SLC5A11: variants seen among roughly 807,000 people sequenced by gnomAD.
SLC5A11 encodes the protein sodium/myo-inositol cotransporter 2.
Under a neutral mutation model 69.8 loss-of-function variants are expected in SLC5A11, and 48 were observed. The ratio of observed to expected loss-of-function variants is 0.69; its 90% confidence interval spans 0.55 to 0.87. The LOEUF is 0.87. Ranked by LOEUF, SLC5A11 falls within the 40% of genes least tolerant of loss-of-function variation. The pLI, the probability that SLC5A11 is intolerant of heterozygous loss-of-function variation, is 0.00. For synonymous variants in SLC5A11, 319 were observed against 342.4 expected (o/e 0.93, Z 0.75); for missense variants, 784 against 866.1 (o/e 0.91, Z 1.19).
chr16:24,896,942 CTTTTTTTTTTTT>C (rs869210839), intron 9 of SLC5A11, among the ~76,000 whole-genome samples: 4 of 97,092 alleles, frequency 4.1e-5, no homozygotes, highest in African/African-American at 1.5e-4. Flanking sequence ...AACCTCCTTC[CTTTTTTTTTTTT>C]TTTTTTTTTT....
chr16:24,863,940 G>T (rs578118826), intron 3 of SLC5A11, among the ~76,000 whole-genome samples: 6 of 152,286 alleles, frequency 3.9e-5, no homozygotes, highest in African/African-American at 1.4e-4. Flanking sequence ...AGCCCCACCT[G>T]CTGGGCTCAT....
intron 12 of SLC5A11, among the ~76,000 whole-genome samples, 180 bp from the exon 14 acceptor site, chr16:24,907,783 G>C (rs984120303): frequency 1.3e-5 from 2 of 152,122 alleles, no homozygotes; most frequent in East Asian, 1.9e-4. Flanking sequence ...CTATTCGGGA[G>C]GCTGAGGCAG....
At chr16:24,906,044 C>T (rs1454299796) in intron 10 of SLC5A11, among the ~76,000 whole-genome samples, 1 of 152,102 alleles carries the variant, frequency 6.6e-6, no homozygotes, top group East Asian at 1.9e-4. Flanking sequence ...AGAGAATCTA[C>T]GTATAGGAAA....
intron 4 of SLC5A11, among the ~76,000 whole-genome samples, chr16:24,871,200 G>T (rs184373019): frequency 6.6e-6 from 1 of 152,170 alleles, no homozygotes; most frequent in Non-Finnish European, 1.5e-5. Flanking sequence ...GCTCCAACAC[G>T]TATAAACTTC....
At chr16:24,847,745 G>GGATGGAAGGGCATCCTGCAGACAGC (rs2059094244) in intron 1 of SLC5A11, among the ~76,000 whole-genome samples, 1 of 152,230 alleles carries the variant, frequency 6.6e-6, no homozygotes, top group Non-Finnish European at 1.5e-5. Flanking sequence ...CTGCAGATAG[G>GGATGGAAGGGCATCCTGCAGACAGC]ACTTGGAAAA....
At chr16:24,861,499 AGAAAG>A (rs1321157618) in intron 2 of SLC5A11, among the ~76,000 whole-genome samples, 1 of 151,624 alleles carries the variant, frequency 6.6e-6, no homozygotes, top group Non-Finnish European at 1.5e-5. Context: ...AGAAAGAGAG[AGAAAG>A]GAAAGAAAGG....
intron 1 of SLC5A11, among the ~76,000 whole-genome samples, chr16:24,856,045 T>C (rs2059514467): frequency 6.6e-6 from 1 of 152,214 alleles, no homozygotes; most frequent in South Asian, 2.1e-4. Context: ...AATTCCTCAC[T>C]GACATCCTTT....
chr16:24,857,013 G>T (rs1306827742), intron 1 of SLC5A11, among the ~76,000 whole-genome samples: 2 of 152,064 alleles, frequency 1.3e-5, no homozygotes, highest in African/African-American at 4.8e-5. Context: ...TAGAGACGGG[G>T]TCCACCACGT....
chr16:24,889,704 C>T (rs1041544494), intron 8 of SLC5A11, among the ~76,000 whole-genome samples: 2 of 151,598 alleles, frequency 1.3e-5, no homozygotes, highest in East Asian at 1.9e-4. Flanking sequence ...CCCACCACCA[C>T]GCCTGGCTAA....
chr16:24,890,858 C>T lies in SLC5A11; in HGVS notation c.665-11C>T. 1 of 1,613,920 alleles carries T rather than the reference C, an allele frequency of 6.2e-7. No individual in the cohort carries two copies. The highest frequency in any genetic ancestry group is 1.3e-5 in the African/African-American group (1 of 75,018). The stretch of plus-strand genomic sequence containing the variant: ...TGAGTTCCCGGAAAATAGGCTTCCT[C>T]TGAATTCTAGGTTTCGCCGCGGTTG... On this transcript the variant is annotated splice_polypyrimidine_tract_variant and intron_variant, in intron 8 of 15. Transcript: ENST00000347898.
rs566618930 is a variant in SLC5A11, at chr16:24,854,928, A to T, written c.-24-3692A>T. Reference sequence around the variant, plus strand: ...TCTAGGCCTTCTCTCACTTTCTTGCACAGAGAAAGGTTAGGTTAGGTTAGC... The same window carrying T: ...TCTAGGCCTTCTCTCACTTTCTTGCTCAGAGAAAGGTTAGGTTAGGTTAGC... On this transcript the variant is annotated intron_variant, in intron 1 of 15. Coordinates refer to ENST00000347898, the Ensembl canonical transcript of SLC5A11. Among the ~76,000 whole-genome samples the T allele has an allele frequency of 2.6e-5, 4 of 152,000 alleles. 1 individual carries two copies. The highest frequency in any genetic ancestry group is 9.6e-5 in the African/African-American group (4 of 41,464).
intron 2 of SLC5A11, among the ~76,000 whole-genome samples, chr16:24,860,419 G>A (rs1192377734): frequency 6.6e-6 from 1 of 152,134 alleles, no homozygotes; most frequent in Non-Finnish European, 1.5e-5. Flanking sequence ...TTGTGCCATT[G>A]CGCTCCAGCT....
At chr16:24,857,926 G>A (rs7185116) in intron 1 of SLC5A11, among the ~76,000 whole-genome samples, 3,191 of 152,184 alleles carry the variant, frequency 0.021, 79 homozygotes, top group African/African-American at 0.058. Context: ...GGATTTGCAG[G>A]GTACTGAGAA....
intron 1 of SLC5A11, among the ~76,000 whole-genome samples, chr16:24,849,842 T>C (rs1262885033): frequency 6.6e-6 from 1 of 151,754 alleles, no homozygotes; most frequent in African/African-American, 2.4e-5. Context: ...GCCTAGAATT[T>C]ATTTCCAGAT....
intron 2 of SLC5A11, among the ~76,000 whole-genome samples, chr16:24,860,851 A>T (rs940491424): frequency 1.2e-4 from 18 of 152,066 alleles, no homozygotes; most frequent in African/African-American, 4.3e-4. Context: ...GACTACAGGC[A>T]TCCGTCACCA....
chr16:24,862,995 CAT>C (rs923817636), intron 3 of SLC5A11, among the ~76,000 whole-genome samples: 38 of 127,808 alleles, frequency 3.0e-4, no homozygotes, highest in African/African-American at 9.6e-4. Flanking sequence ...AATATATAAT[CAT>C]ATATTTATGT....
rs1246245799 is a variant in SLC5A11 at position 24,882,178 on chromosome 16, C to A, written c.584-1873C>A. 3.3e-5 allele frequency among the ~76,000 whole-genome samples: 5 copies of A among 152,140 alleles called. No individual in the cohort carries two copies. In the East Asian group the frequency reaches 9.6e-4, roughly 29 times the overall value. On this transcript the variant is annotated intron_variant, in intron 7 of 15. Transcript: ENST00000347898. ...ATGCCATTTTGTTGGCCTCTGCATCCCTACCACGTAGAACTTGGTGGGGAG... is the reference window on the plus strand; with the variant it reads ...ATGCCATTTTGTTGGCCTCTGCATCACTACCACGTAGAACTTGGTGGGGAG...
At chr16:24,884,516 T>TTG (rs1173700039) in intron 8 of SLC5A11, among the ~76,000 whole-genome samples, 2 of 35,408 alleles carry the variant, frequency 5.6e-5, no homozygotes, top group African/African-American at 2.1e-4. Flanking sequence ...TTATTTTGTT[T>TTG]TTTTTTTTTT....
intron 2 of SLC5A11, among the ~76,000 whole-genome samples, chr16:24,861,798 G>A (rs887018615): frequency 7.7e-6 from 1 of 129,856 alleles, no homozygotes; most frequent in Non-Finnish European, 1.6e-5. Flanking sequence ...AGGAAGGAAA[G>A]AAAGAAAAGA....
Sources: allele counts gnomAD v4.1 joint callset (sites outside exome capture counted in the v4.1 genomes callset), GRCh38; gene constraint gnomAD v4.1.1; transcripts MANE v1.5; gene names NCBI Gene and HGNC (gene_info 2026-07-23, HGNC 2026-07-21).